AP1G1: variants seen among roughly 807,000 people sequenced by gnomAD.
The protein encoded by AP1G1 is adaptor related protein complex 1 subunit gamma 1.
Under a neutral mutation model 108.3 loss-of-function variants are expected in AP1G1, and 7 were observed. That is an observed-to-expected ratio of 0.06 (90% CI 0.04 to 0.12). AP1G1 has a LOEUF of 0.12. AP1G1 is among the 10% of genes least tolerant of loss of function. The pLI is 1.00. For missense variants in AP1G1, 756 were observed against 1,010.7 expected (o/e 0.75, Z 3.42); for synonymous variants, 379 against 353.5 (o/e 1.07, Z -0.81).
At chr16:71,756,879 T>C (rs185225763) in intron 11 of AP1G1, among the ~76,000 whole-genome samples, 29 of 148,850 alleles carry the variant, frequency 1.9e-4, no homozygotes, top group African/African-American at 6.0e-4. Flanking sequence ...GAGACAGAGA[T>C]TGCAGTGAAG....
chr16:71,738,860 C>G (rs778151169), intron 21 of AP1G1, 82 bp downstream of exon 21: 4 of 1,272,376 alleles, frequency 3.1e-6, no homozygotes, highest in Non-Finnish European at 4.4e-6. Context: ...AACATTAAAA[C>G]ATATCCTTTA....
chr16:71,734,831 G>T, intron 21 of AP1G1, 124 bp from the exon 22 acceptor site: 1 of 726,324 alleles, frequency 1.4e-6, no homozygotes, highest in Non-Finnish European at 2.4e-6. Flanking sequence ...ACTAAGTTTT[G>T]CCTACTACTT....
intron 6 of AP1G1, among the ~76,000 whole-genome samples, chr16:71,767,282 A>G (rs2031355284): frequency 6.6e-6 from 1 of 152,236 alleles, no homozygotes; most frequent in Non-Finnish European, 1.5e-5. Flanking sequence ...GCAAGTTATT[A>G]AAACTGATGA....
At chr16:71,767,141 T>C (rs1411477239) in intron 6 of AP1G1, among the ~76,000 whole-genome samples, 1 of 152,202 alleles carries the variant, frequency 6.6e-6, no homozygotes, top group African/African-American at 2.4e-5. Flanking sequence ...GGCTACTAAA[T>C]TCAGAAATTG....
chr16:71,747,690 G>T (rs571829284), intron 16 of AP1G1, among the ~76,000 whole-genome samples: 1 of 151,966 alleles, frequency 6.6e-6, no homozygotes, highest in Non-Finnish European at 1.5e-5. Flanking sequence ...TTCTAAAAAC[G>T]TAACTTTTAG....
intron 1 of AP1G1, chr16:71,808,492 A>G: frequency 1.6e-6 from 2 of 1,264,736 alleles, no homozygotes; most frequent in Non-Finnish European, 2.1e-6. Flanking sequence ...CAAGGGTTCA[A>G]GGAGGCCCGT....
Position 71,746,598 on chromosome 16 carries a change from C to A in AP1G1, c.1720G>T (p.Asp574Tyr). 1.2e-6 allele frequency: 2 copies of A among 1,605,546 alleles called. No individual in the cohort carries two copies. The highest frequency in any genetic ancestry group is 2.2e-5 in the South Asian group (2 of 89,922). ...VEYNALFKKY[D>Y]HMRSALLERM... ...GTTTCTTTCGCTCACCTCATGTGGT[C>A]ATATTTCTTGAAAAGTGCATTATAT... The change falls in exon 17 of 23, where the codon GAC becomes TAC. Residue 574 changes from aspartate to tyrosine, a missense_variant. This residue lies in a region of AP1G1 where 357 missense variants were observed against 366.5 expected (regional missense o/e 0.97). Transcript: ENST00000299980.
intron 2 of AP1G1, among the ~76,000 whole-genome samples, chr16:71,784,241 T>A (rs2032122652): frequency 6.6e-6 from 1 of 152,312 alleles, no homozygotes; most frequent in East Asian, 1.9e-4. Flanking sequence ...AAGTAGGCAT[T>A]AAGATTGTCC....
chr16:71,785,161 C>T (rs1474332874), intron 2 of AP1G1, among the ~76,000 whole-genome samples: 1 of 151,550 alleles, frequency 6.6e-6, no homozygotes, highest in Non-Finnish European at 1.5e-5. Flanking sequence ...ACATTTTCAT[C>T]AGAAATAGCT....
At chr16:71,790,901 G>T (rs1313553486) in intron 1 of AP1G1, among the ~76,000 whole-genome samples, 1 of 152,066 alleles carries the variant, frequency 6.6e-6, no homozygotes, top group East Asian at 1.9e-4. Context: ...TAAAATTTTT[G>T]CTCTCCAAAG....
intron 1 of AP1G1, among the ~76,000 whole-genome samples, chr16:71,805,568 T>C (rs2032970543): frequency 2.6e-5 from 4 of 152,222 alleles, no homozygotes; most frequent in Admixed American, 2.6e-4. Context: ...TTTAAAGTTT[T>C]GATAGCAATT....
Position 71,731,256 on chromosome 16 carries a change from A to C in AP1G1, c.*1802T>G, listed in dbSNP as rs569016182. 14 of 152,720 alleles carry C rather than the reference A, an allele frequency of 9.2e-5. No homozygotes were observed. Among genetic ancestry groups the C allele is most frequent in the Admixed American group, 8.5e-4 (13 of 15,306 alleles). 9.5% of individuals were successfully genotyped at this position (152,720 alleles called of 1,614,324 possible). A position where few individuals can be genotyped will look rare whatever the true frequency, so the allele number is the denominator to read the frequency against. On this transcript the variant is annotated 3_prime_UTR_variant, in exon 23 of 23. Transcript: ENST00000299980. ...CAGTCAACCATTTACCCAGTGGAGT[A>C]AGTTTTAGCAGATCTTGCTCATACA... is the stretch of plus-strand genomic sequence containing the variant.
chr16:71,748,290 G>C lies in AP1G1; in HGVS notation c.1586C>G (p.Ala529Gly). The C allele has an allele frequency of 1.2e-6, 2 of 1,613,970 alleles. No individual in the cohort carries two copies. The highest frequency in any genetic ancestry group is 1.7e-6 in the Non-Finnish European group (2 of 1,179,940). ...TSVTRGYALT[A>G]IMKLSTRFTC... ...GAATCGAGTGGAAAGCTTCATAATG[G>C]CAGTGAGGGCATAACCTCGTGTCAC... Residue 529 changes from alanine to glycine, a missense_variant, in exon 16 of 23, where the codon GCC becomes GGC. By Grantham distance (60) the Ala-to-Gly change is moderately conservative. Coordinates refer to ENST00000299980, the MANE Select transcript of AP1G1 (RefSeq NM_001128.6).
chr16:71,798,558 C>T (rs1360098559), intron 1 of AP1G1, among the ~76,000 whole-genome samples: 2 of 151,406 alleles, frequency 1.3e-5, no homozygotes, highest in Non-Finnish European at 2.9e-5. Context: ...TATATAATTA[C>T]CTGAAAATGT....
chr16:71,756,535 C>A lies in AP1G1; in HGVS notation c.1089-376G>T, dbSNP rs537006649. On this transcript the variant is annotated intron_variant, in intron 11 of 22. Coordinates refer to ENST00000299980, the MANE Select transcript of AP1G1 (RefSeq NM_001128.6). ...AATAATAATACCTATCTGCCTCATTCCTTAAAAATGTGACATGTTAAGTCA... is the reference window on the plus strand; with the variant it reads ...AATAATAATACCTATCTGCCTCATTACTTAAAAATGTGACATGTTAAGTCA... Among the ~76,000 whole-genome samples, 7 of 152,264 alleles carry A rather than the reference C, an allele frequency of 4.6e-5. No homozygotes were observed. The South Asian group carries it at 1.5e-3, about 32-fold the overall frequency.
At chr16:71,735,570 G>A (rs371352467) in intron 21 of AP1G1, among the ~76,000 whole-genome samples, 2 of 151,732 alleles carry the variant, frequency 1.3e-5, no homozygotes, top group Admixed American at 6.6e-5. Context: ...GCTGAGGCAG[G>A]AGAATCGCTT....
Position 71,734,661 on chromosome 16 carries a change from G to C in AP1G1, c.2315C>G (p.Ala772Gly), listed in dbSNP as rs1340936497. The C allele has an allele frequency of 6.2e-7, 1 of 1,614,088 alleles. No individual in the cohort carries two copies. Among genetic ancestry groups the C allele is most frequent in the Admixed American group, 1.7e-5 (1 of 60,016 alleles). The change falls in exon 22 of 23, where the codon GCA (alanine) becomes GGA (glycine). Residue 772 changes from alanine (A) to glycine (G), a missense_variant. Coordinates refer to ENST00000299980, the MANE Select transcript of AP1G1 (RefSeq NM_001128.6). Reference protein sequence around the residue: ...LLSPSSSIVPAFNTGTITQVI... With the variant: ...LLSPSSSIVPGFNTGTITQVI... ...TTGTGTGATGGTCCCCGTGTTAAATGCTGGGACAATGCTGCTGCTAGGAGA... is the reference window on the plus strand; with the variant it reads ...TTGTGTGATGGTCCCCGTGTTAAATCCTGGGACAATGCTGCTGCTAGGAGA...
rs778596865 is a variant in AP1G1, at chr16:71,771,243, A to C, written c.478T>G (p.Cys160Gly). Residue 160 changes from cysteine to glycine, a missense_variant, in exon 5 of 23, where the codon TGT becomes GGT. Around this residue, in one of 3 missense-constraint regions of AP1G1, gnomAD observed 304 missense variants for 483.6 expected, o/e 0.63. Coordinates refer to ENST00000299980, the MANE Select transcript of AP1G1 (RefSeq NM_001128.6). The part of the protein sequence containing the change: ...NSYLRKKAAL[C>G]AVHVIRKVPE... ...ACTTTCCTGATGACATGAACAGCACACAGTGCTGCCTATGAAAAAAAAAAT... is the reference window on the plus strand; with the variant it reads ...ACTTTCCTGATGACATGAACAGCACCCAGTGCTGCCTATGAAAAAAAAAAT... The C allele has an allele frequency of 6.3e-7, 1 of 1,589,200 alleles. No homozygotes were observed. The highest frequency in any genetic ancestry group is 1.7e-5 in the Admixed American group (1 of 58,022).
chr16:71,805,283 A>C (rs1383731910), intron 1 of AP1G1, among the ~76,000 whole-genome samples: 2 of 152,086 alleles, frequency 1.3e-5, no homozygotes, highest in Non-Finnish European at 2.9e-5. Flanking sequence ...CCCCGCCTCT[A>C]CTAAAAATAC....
Sources: allele counts gnomAD v4.1 joint callset (sites outside exome capture counted in the v4.1 genomes callset), GRCh38; gene constraint gnomAD v4.1.1; regional missense constraint gnomAD v4.1.1; transcripts MANE v1.5; gene names NCBI Gene and HGNC (gene_info 2026-07-23, HGNC 2026-07-21).